Variants in KANK1 observed in about 807,000 individuals in gnomAD.
KANK1 encodes the protein KN motif and ankyrin repeat domain-containing protein 1.
Under a neutral mutation model 106.2 loss-of-function variants are expected in KANK1, and 109 were observed. The observed-to-expected ratio is 1.03, with a 90% CI of 0.88 to 1.20. The LOEUF (loss-of-function observed/expected upper bound fraction) is 1.20. Among genes scored for constraint, KANK1 ranks in the 50% most tolerant of loss-of-function variants. The pLI is 0.00. For synonymous variants in KANK1, 873 were observed against 652.2 expected (o/e 1.34, Z -5.16); for missense variants, 2,399 against 1,710.7 (o/e 1.40, Z -7.10).
At chr9:739,417 G>A (rs900650497) in intron 8 of KANK1, among the ~76,000 whole-genome samples, 1 of 152,122 alleles carries the variant, frequency 6.6e-6, no homozygotes, top group African/African-American at 2.4e-5. Context: ...TTGGGAACTT[G>A]GAATTGATGC....
chr9:646,183 G>C (rs1269746243), intron 1 of KANK1, among the ~76,000 whole-genome samples: 1 of 150,712 alleles, frequency 6.6e-6, no homozygotes, highest in Non-Finnish European at 1.5e-5. Flanking sequence ...AAGGAAATAG[G>C]TGGAAAAATA....
intron 1 of KANK1, among the ~76,000 whole-genome samples, chr9:592,253 T>C (rs1317431486): frequency 2.6e-5 from 4 of 151,892 alleles, no homozygotes; most frequent in African/African-American, 9.7e-5. Flanking sequence ...GGAATTGATC[T>C]AGATAAGTTA....
intron 1 of KANK1, chr9:540,465 C>T (rs2060536874): frequency 6.6e-6 from 1 of 152,172 alleles, no homozygotes; most frequent in South Asian, 2.1e-4. Context: ...TTTTGCTTCT[C>T]TAGTCATCAA....
chr9:518,773 A>C (rs2059414216), intron 1 of KANK1, among the ~76,000 whole-genome samples: 1 of 151,666 alleles, frequency 6.6e-6, no homozygotes, highest in Non-Finnish European at 1.5e-5. Context: ...TACAGTGAAC[A>C]AGAGAGGTGG....
At chr9:501,441 A>T (rs1006739362), upstream of KANK1, among the ~76,000 whole-genome samples, 5 of 152,186 alleles carry the variant, frequency 3.3e-5, no homozygotes, top group Admixed American at 6.5e-5. Context: ...TGCATAGACC[A>T]TTCTATATTT....
chr9:520,064 G>A lies in KANK1; in HGVS notation c.-84+15310G>A, dbSNP rs561458212. Among the ~76,000 whole-genome samples, 8 of 151,870 alleles carry A rather than the reference G, an allele frequency of 5.3e-5. No homozygotes were observed. The South Asian group carries it at 1.5e-3, about 28-fold the overall frequency. On this transcript the variant is annotated intron_variant, in intron 1 of 11. Coordinates refer to ENST00000382297, the MANE Select transcript of KANK1 (RefSeq NM_015158.5). ...AGAAAAGAAATGACCATAGCCGGGT[G>A]CGGTGGCTCACACCTGTAATCCCAG...
chr9:591,217 A>C (rs1824791967), intron 1 of KANK1, among the ~76,000 whole-genome samples: 1 of 151,762 alleles, frequency 6.6e-6, no homozygotes. Context: ...AGTTGTTTTG[A>C]TAATTTCTTT....
intron 3 of KANK1, among the ~76,000 whole-genome samples, chr9:476,435 C>A (rs1009857564): frequency 6.6e-6 from 1 of 151,676 alleles, no homozygotes; most frequent in Non-Finnish European, 1.5e-5. Context: ...GCAAGAGAAT[C>A]GCTTGAACCC....
intron 1 of KANK1, among the ~76,000 whole-genome samples, chr9:510,978 C>G (rs1313334269): frequency 6.6e-6 from 1 of 152,128 alleles, no homozygotes; most frequent in Non-Finnish European, 1.5e-5. Flanking sequence ...GTATTATGTG[C>G]AAGGCCCTGG....
At chr9:670,031 T>C (rs948237040) in intron 1 of KANK1, among the ~76,000 whole-genome samples, 1 of 152,184 alleles carries the variant, frequency 6.6e-6, no homozygotes, top group Non-Finnish European at 1.5e-5. Flanking sequence ...CCAATAAATT[T>C]TTCAGTTAGC....
chr9:597,329 A>G (rs1278962669), intron 1 of KANK1, among the ~76,000 whole-genome samples: 1 of 151,918 alleles, frequency 6.6e-6, no homozygotes, highest in Non-Finnish European at 1.5e-5. Context: ...AGTCCCACCA[A>G]CAATGTACAA....
upstream of KANK1, among the ~76,000 whole-genome samples, chr9:504,173 A>C (rs1316413583): frequency 6.6e-6 from 1 of 152,138 alleles, no homozygotes; most frequent in African/African-American, 2.4e-5. Context: ...TCGTTGCCAG[A>C]ACCCCCGCCC....
chr9:605,698 A>C (rs1484067229), intron 1 of KANK1, among the ~76,000 whole-genome samples: 2 of 151,768 alleles, frequency 1.3e-5, no homozygotes, highest in African/African-American at 4.9e-5. Flanking sequence ...TTAAAAGAGA[A>C]TAAGCATGAT....
intron 1 of KANK1, among the ~76,000 whole-genome samples, chr9:571,390 C>A (rs969620751): frequency 2.0e-5 from 3 of 151,980 alleles, no homozygotes; most frequent in African/African-American, 7.3e-5. Flanking sequence ...AGTGTTGGAG[C>A]CCTTTTTAAT....
chr9:556,645 T>C (rs1424700852), intron 1 of KANK1, among the ~76,000 whole-genome samples: 1 of 151,562 alleles, frequency 6.6e-6, no homozygotes, highest in Non-Finnish European at 1.5e-5. Flanking sequence ...GATAATTCTG[T>C]CATTTGTCCA....
At chr9:696,472 A>T (rs546115240) in intron 2 of KANK1, among the ~76,000 whole-genome samples, 2 of 152,160 alleles carry the variant, frequency 1.3e-5, no homozygotes, top group African/African-American at 4.8e-5. Context: ...GTAGGGCTTT[A>T]CAAAAATGAG....
At chr9:660,241 A>G in intron 1 of KANK1, 1 of 251,376 alleles carries the variant, frequency 4.0e-6, no homozygotes, top group Middle Eastern at 2.1e-3. Flanking sequence ...ATTCAGCTAC[A>G]GGGTGACCAG....
At position 515,656 on chromosome 9, in the gene KANK1, TAGG is replaced by T. The variant is rs571354405; in HGVS notation, c.-84+10905_-84+10907del. On this transcript the variant is annotated intron_variant, in intron 1 of 11. Transcript: ENST00000382297. ...TTTGCCTTTCACTTTGACATTTTTATAGGAGAATTTGAATCATGTTCTATAGTT... is the reference window on the plus strand; with the variant it reads ...TTTGCCTTTCACTTTGACATTTTTATAGAATTTGAATCATGTTCTATAGTT... Among the ~76,000 whole-genome samples the T allele has an allele frequency of 3.0e-3, 460 of 151,956 alleles. 1 individual carries two copies. The highest frequency in any genetic ancestry group is 0.017 in the Middle Eastern group (5 of 294).
chr9:659,398 A>T (rs1842822010), intron 1 of KANK1, among the ~76,000 whole-genome samples: 1 of 152,048 alleles, frequency 6.6e-6, no homozygotes, highest in Non-Finnish European at 1.5e-5. Flanking sequence ...AGGGCCCCAA[A>T]CCCAGAGTTC....
Sources: gnomAD v4.1 joint callset for allele counts (sites outside exome capture counted in the v4.1 genomes callset) on GRCh38, gnomAD v4.1.1 for gene constraint, MANE v1.5 for transcripts, NCBI Gene and HGNC (gene_info 2026-07-23, HGNC 2026-07-21) for gene names.